The following CYTIP variants were observed in gnomAD, a reference collection of about 807,000 sequenced individuals.
The protein encoded by CYTIP is cytohesin 1 interacting protein, also known as cytohesin-interacting protein.
CYTIP carries 26 observed loss-of-function variants against 43.8 expected under a neutral mutation model. The ratio of observed to expected loss-of-function variants is 0.59; its 90% CI spans 0.44 to 0.82. The LOEUF (loss-of-function observed/expected upper bound fraction) is 0.82, where lower values mean the gene tolerates loss of function less well. CYTIP is among the 40% of genes least tolerant of loss of function. CYTIP has a pLI of 0.00. For missense variants in CYTIP, 426 were observed against 443.1 expected (o/e 0.96, Z 0.35); for synonymous variants, 162 against 162.9 (o/e 0.99, Z 0.04).
chr2:157,421,261 C>G (rs961297862), intron 6 of CYTIP, among the ~76,000 whole-genome samples: 3 of 152,198 alleles, frequency 2.0e-5, no homozygotes, highest in African/African-American at 7.2e-5. Context: ...GTGCCTAGTT[C>G]AGTGCCAGCT....
At position 157,416,048 on chromosome 2, in the gene CYTIP, G is replaced by C; in HGVS notation, c.709C>G (p.Arg237Gly). ...CTGCTCTCACTGGATAATCGATTCCGGTCCACAAGGGCTGGGCCTGGCCCA... is the reference window on the plus strand; with the variant it reads ...CTGCTCTCACTGGATAATCGATTCCCGTCCACAAGGGCTGGGCCTGGCCCA... ...LPGPGPALVD[R>G]NRLSSESSCK... is the part of the protein sequence containing the mutation. The change falls in exon 8 of 8, where the codon CGG becomes GGG. Residue 237 changes from arginine to glycine, a missense_variant. Coordinates refer to ENST00000264192, the MANE Select transcript of CYTIP (RefSeq NM_004288.5). 6.2e-7 allele frequency: 1 copy of C among 1,614,144 alleles called. No homozygotes were observed. The highest frequency in any genetic ancestry group is 8.5e-7 in the Non-Finnish European group (1 of 1,180,038).
Position 157,418,597 on chromosome 2 carries a change from A to G in CYTIP, c.547-8T>C. The G allele has an allele frequency of 1.5e-6, 2 of 1,329,706 alleles. No homozygotes were observed. The highest frequency in any genetic ancestry group is 2.0e-6 in the Non-Finnish European group (2 of 1,004,884). 82.4% of individuals were successfully genotyped at this position (1,329,706 alleles called of 1,614,324 possible). On this transcript the variant is annotated splice_polypyrimidine_tract_variant and splice_region_variant and intron_variant, in intron 6 of 7. Coordinates refer to ENST00000264192, the MANE Select transcript of CYTIP (RefSeq NM_004288.5). ...TTTTTGTTTCAAAGTTTGCTGTGAG[A>G]TTAAAAAAAAAAAAAAAAAGTTTTT...
intron 1 of CYTIP, among the ~76,000 whole-genome samples, chr2:157,442,489 AT>A (rs1407863076): frequency 2.1e-5 from 3 of 144,694 alleles, no homozygotes; most frequent in Non-Finnish European, 3.0e-5. Context: ...AAAAAAAAAA[AT>A]CATAGCCTAA....
chr2:157,430,432 C>T lies in CYTIP; in HGVS notation c.476+127G>A. 7.9e-6 allele frequency: 6 copies of T among 755,054 alleles called. No individual in the cohort carries two copies. The South Asian group carries it at 8.0e-5, about 10-fold the overall frequency. The allele number at this position is 755,054 out of a possible 1,614,324, so 46.8% of individuals were successfully genotyped here. On this transcript the variant is annotated intron_variant, in intron 5 of 7. Coordinates refer to ENST00000264192, the MANE Select transcript of CYTIP (RefSeq NM_004288.5). ...GAACTGATAATGTTTGTACCCCACT[C>T]TAAAGCTCCGGTGCACTGCCTCACT...
In CYTIP at chr2:157,415,875, C is replaced by G. The variant is rs142035962; in HGVS notation, c.882G>C (p.Leu294=). The part of the protein sequence containing the change: ...CFIPKEGDDF[L]RRSSSRRNRS... The stretch of plus-strand genomic sequence containing the variant: ...GGTTCCTCCTTGAAGATGACCTCCT[C>G]AGAAAATCATCCCCCTCCTTGGGGA... Residue 294 remains leucine (L), a synonymous_variant, in exon 8 of 8, where the codon CTG becomes CTC. Transcript: ENST00000264192. 5.6e-4 allele frequency: 898 copies of G among 1,614,194 alleles called. 2 individuals are homozygous for G. The highest frequency in any genetic ancestry group is 7.1e-4 in the Non-Finnish European group (838 of 1,180,034).
chr2:157,433,570 C>G (rs1573860374), intron 3 of CYTIP, among the ~76,000 whole-genome samples: 1 of 152,036 alleles, frequency 6.6e-6, no homozygotes, highest in Middle Eastern at 3.4e-3. Flanking sequence ...CAAAACACAT[C>G]CAAAAGACAT....
chr2:157,438,918 GA>G (rs1685858997), intron 1 of CYTIP: 4 of 416,290 alleles, frequency 9.6e-6, no homozygotes, highest in Admixed American at 5.3e-5. Flanking sequence ...CATCTATTAG[GA>G]ACTTCAAGAT....
At position 157,443,887 on chromosome 2, in the gene CYTIP, A is replaced by G. The variant is rs551699440; in HGVS notation, c.134T>C (p.Leu45Pro). 1.1e-4 allele frequency: 173 copies of G among 1,614,134 alleles called. 1 individual carries two copies. In the South Asian group the frequency reaches 1.8e-3, roughly 17 times the overall value. Residue 45 changes from leucine to proline, a missense_variant, in exon 1 of 8, where the codon CTA becomes CCA. Coordinates refer to ENST00000264192, the MANE Select transcript of CYTIP (RefSeq NM_004288.5). ...TMDDNRRIQM[L>P]ADTVATLPRG... is the part of the protein sequence containing the mutation. The stretch of plus-strand genomic sequence containing the variant: ...AGGCAGAGTAGCCACCGTGTCTGCT[A>G]GCATTTGAATCCTTCTATTATCGTC...
intron 6 of CYTIP, among the ~76,000 whole-genome samples, chr2:157,425,522 T>C (rs1384704134): frequency 6.6e-6 from 1 of 152,132 alleles, no homozygotes; most frequent in Non-Finnish European, 1.5e-5. Flanking sequence ...ATGGTGCTCA[T>C]GATGTTCTGG....
At chr2:157,431,422 G>A (rs115352171) in intron 3 of CYTIP, among the ~76,000 whole-genome samples, 3,667 of 152,188 alleles carry the variant, frequency 0.024, 60 homozygotes, top group Non-Finnish European at 0.036. Flanking sequence ...TCAGAGTTCT[G>A]CACATAATGA....
chr2:157,441,368 T>G (rs1194192965), intron 1 of CYTIP, among the ~76,000 whole-genome samples: 3 of 152,204 alleles, frequency 2.0e-5, no homozygotes, highest in Non-Finnish European at 4.4e-5. Context: ...GTCTCATTGA[T>G]GATAATTGTA....
intron 3 of CYTIP, among the ~76,000 whole-genome samples, chr2:157,433,071 T>C (rs1685739076): frequency 6.6e-6 from 1 of 152,180 alleles, no homozygotes; most frequent in Admixed American, 6.5e-5. Flanking sequence ...AGTAGTGACA[T>C]TATTATGGCA....
intron 1 of CYTIP, among the ~76,000 whole-genome samples, chr2:157,435,465 A>G (rs1233410089): frequency 1.3e-5 from 2 of 152,240 alleles, no homozygotes; most frequent in Non-Finnish European, 2.9e-5. Context: ...AATAGTATCA[A>G]TGGTATAAAT....
rs1273974144 is a variant in CYTIP at position 157,434,700 on chromosome 2, T to C, written c.222A>G (p.Gln74=). ...AAAAAATAATTCAATCTCTTTACCT[T>C]TGAGACCAGGAAAAGTCACTTAAAG... ...SSSLSDFSWS[Q]RKLVTVEKQD... The change falls in exon 2 of 8, where the codon CAA becomes CAG. Residue 74 remains glutamine, a splice_region_variant and synonymous_variant. Coordinates refer to ENST00000264192, the MANE Select transcript of CYTIP (RefSeq NM_004288.5). 1.9e-6 allele frequency: 3 copies of C among 1,608,984 alleles called. No individual in the cohort carries two copies. In the Admixed American group the frequency reaches 5.0e-5, roughly 27 times the overall value.
intron 3 of CYTIP, among the ~76,000 whole-genome samples, chr2:157,433,388 C>G (rs1428155718): frequency 6.6e-6 from 1 of 152,120 alleles, no homozygotes; most frequent in Non-Finnish European, 1.5e-5. Context: ...AGCTAAAGTT[C>G]CATTTTGTTT....
At position 157,414,879 on chromosome 2, in the gene CYTIP, A is replaced by C. The variant is rs1685414587; in HGVS notation, c.*798T>G. On this transcript the variant is annotated 3_prime_UTR_variant, in exon 8 of 8. Coordinates refer to ENST00000264192, the MANE Select transcript of CYTIP (RefSeq NM_004288.5). ...ACTACAGGAGGGAAGTCCTTTTCCC[A>C]ACCCTCAGTTTTGGATGTTAGACAT... 6.6e-6 allele frequency: 1 copy of C among 152,236 alleles called. No homozygotes were observed. The highest frequency in any genetic ancestry group is 1.5e-5 in the Non-Finnish European group (1 of 68,046). 9.4% of individuals were successfully genotyped at this position (152,236 alleles called of 1,614,324 possible).
Position 157,415,969 on chromosome 2 carries a change from G to C in CYTIP, c.788C>G (p.Thr263Arg). The change falls in exon 8 of 8, where the codon ACG becomes AGG. Residue 263 changes from threonine to arginine, a missense_variant. Transcript: ENST00000264192. Reference sequence around the variant, plus strand: ...CCTGCTGGAGTCCTCAGACACACACGTCTGGTAGCCATCTTCACTGTCCAT... The same window carrying C: ...CCTGCTGGAGTCCTCAGACACACACCTCTGGTAGCCATCTTCACTGTCCAT... Reference protein sequence around the residue: ...MTMDSEDGYQTCVSEDSSRGA... With the variant: ...MTMDSEDGYQRCVSEDSSRGA... 6.2e-7 allele frequency: 1 copy of C among 1,614,194 alleles called. No individual in the cohort carries two copies. Among genetic ancestry groups the C allele is most frequent in the South Asian group, 1.1e-5 (1 of 91,084 alleles).
chr2:157,415,472 C>T lies in CYTIP; in HGVS notation c.*205G>A, dbSNP rs1407610556. 1.9e-6 allele frequency: 1 copy of T among 513,508 alleles called. No homozygotes were observed. Among genetic ancestry groups the T allele is most frequent in the Admixed American group, 3.8e-5 (1 of 26,518 alleles). 31.8% of individuals were successfully genotyped at this position (513,508 alleles called of 1,614,324 possible). A position where few individuals can be genotyped will look rare whatever the true frequency, so the allele number is the denominator to read the frequency against. On this transcript the variant is annotated 3_prime_UTR_variant, in exon 8 of 8. Coordinates refer to ENST00000264192, the MANE Select transcript of CYTIP (RefSeq NM_004288.5). ...ATTAATTAACTTATTATTTAGTTTT[C>T]CTGTCTGCTTAGAAATTGGCTGTTT... is the stretch of plus-strand genomic sequence containing the variant.
At chr2:157,420,564 T>C (rs757929972) in intron 6 of CYTIP, among the ~76,000 whole-genome samples, 1 of 142,858 alleles carries the variant, frequency 7.0e-6, no homozygotes, top group Non-Finnish European at 1.5e-5. Context: ...TGTAGAAGGA[T>C]CACTTAAGCC....
Sources: gnomAD v4.1 joint callset for allele counts (sites outside exome capture counted in the v4.1 genomes callset) on GRCh38, gnomAD v4.1.1 for gene constraint, MANE v1.5 for transcripts, NCBI Gene and HGNC (gene_info 2026-07-23, HGNC 2026-07-21) for gene names.